PHF14: variants seen among roughly 807,000 people sequenced by gnomAD.
PHF14 encodes the protein PHD finger protein 14.
Under a neutral mutation model 117.9 loss-of-function variants are expected in PHF14, and 55 were observed. That is an observed-to-expected ratio of 0.47 (90% CI 0.38 to 0.58). The LOEUF (loss-of-function observed/expected upper bound fraction) is 0.58. Among genes scored for constraint, PHF14 ranks in the 20% least tolerant of loss-of-function variants. The pLI is 0.00. For missense variants in PHF14, 978 were observed against 1,122.2 expected (o/e 0.87, Z 1.84); for synonymous variants, 409 against 368.6 (o/e 1.11, Z -1.26).
intron 7 of PHF14, among the ~76,000 whole-genome samples, chr7:11,031,590 C>CAAAA (rs34770071): frequency 7.9e-6 from 1 of 126,904 alleles, no homozygotes; most frequent in East Asian, 2.2e-4. Flanking sequence ...CCATCTCTAC[C>CAAAA]AAAAAAAAAA....
chr7:11,004,265 A>AG (rs1441611522), intron 4 of PHF14, among the ~76,000 whole-genome samples: 3 of 149,264 alleles, frequency 2.0e-5, no homozygotes, highest in Non-Finnish European at 3.0e-5. Flanking sequence ...AAAAAAAAAA[A>AG]AAAAGAAAAG....
At chr7:11,051,268 A>T (rs1044551102) in intron 13 of PHF14, among the ~76,000 whole-genome samples, 1 of 151,814 alleles carries the variant, frequency 6.6e-6, no homozygotes, top group Non-Finnish European at 1.5e-5. Flanking sequence ...ATCCTGCCTC[A>T]GTCTCCTGAA....
At chr7:11,004,496 G>C (rs1477297791) in intron 4 of PHF14, among the ~76,000 whole-genome samples, 3 of 151,510 alleles carry the variant, frequency 2.0e-5, no homozygotes, top group Non-Finnish European at 4.4e-5. Flanking sequence ...GATCCATTCA[G>C]GTACCATGAG....
intron 14 of PHF14, among the ~76,000 whole-genome samples, chr7:11,060,904 G>A (rs1785201404): frequency 9.9e-6 from 1 of 101,022 alleles, no homozygotes; most frequent in Non-Finnish European, 1.8e-5. Flanking sequence ...AAATAACAGT[G>A]TACTTGATAT....
chr7:10,991,053 C>G (rs1319018306), intron 4 of PHF14, among the ~76,000 whole-genome samples: 4 of 152,128 alleles, frequency 2.6e-5, no homozygotes, highest in African/African-American at 7.2e-5. Context: ...TGCAGTGGCA[C>G]AATCTCGGTT....
intron 16 of PHF14, among the ~76,000 whole-genome samples, chr7:11,084,202 A>G (rs750967239): frequency 1.3e-5 from 2 of 150,490 alleles, no homozygotes; most frequent in Non-Finnish European, 2.9e-5. Context: ...CAAAATATGT[A>G]CACACACACA....
At chr7:11,005,918 G>C (rs141551051) in intron 4 of PHF14, among the ~76,000 whole-genome samples, 3,246 of 148,116 alleles carry the variant, frequency 0.022, 132 homozygotes, top group African/African-American at 0.077. Context: ...TCAGCCTCCT[G>C]AGTAGCTGGG....
intron 3 of PHF14, among the ~76,000 whole-genome samples, chr7:10,988,995 G>A (rs544252685): frequency 1.1e-4 from 17 of 152,178 alleles, no homozygotes; most frequent in African/African-American, 4.1e-4. Context: ...GCTTACTCTG[G>A]TACTGTAAAA....
At chr7:11,104,299 A>G in intron 16 of PHF14, 2 of 983,066 alleles carry the variant, frequency 2.0e-6, no homozygotes, top group Non-Finnish European at 1.2e-6. Context: ...TTATACATAT[A>G]GACTGCAAAA....
chr7:10,982,738 T>G lies in PHF14; in HGVS notation c.479T>G (p.Val160Gly). ...ACACCAGCCACAAGTCCTCCTGCTGTTAACACATCCCCTTCTGTTCCCACT... is the reference window on the plus strand; with the variant it reads ...ACACCAGCCACAAGTCCTCCTGCTGGTAACACATCCCCTTCTGTTCCCACT... ...ATTPATSPPA[V>G]NTSPSVPTTT... is the part of the protein sequence containing the mutation. The change falls in exon 3 of 18, where the codon GTT becomes GGT. Residue 160 changes from valine to glycine, a missense_variant. By Grantham distance (109) the Val-to-Gly change is moderately radical. Around this residue, in one of 7 missense-constraint regions of PHF14, gnomAD observed 414 missense variants for 376.4 expected, o/e 1.10. Coordinates refer to ENST00000634607, the MANE Select transcript of PHF14 (RefSeq NM_001007157.2). The G allele has an allele frequency of 1.9e-6, 3 of 1,613,728 alleles. No homozygotes were observed. Among genetic ancestry groups the G allele is most frequent in the Non-Finnish European group, 1.7e-6 (2 of 1,179,780 alleles).
chr7:11,071,253 A>G, intron 16 of PHF14: 2 of 518,698 alleles, frequency 3.9e-6, no homozygotes, highest in Non-Finnish European at 7.7e-6. Flanking sequence ...CAAAGACTAT[A>G]TATTCCATGT....
intron 16 of PHF14, among the ~76,000 whole-genome samples, chr7:11,075,911 C>G (rs957137644): frequency 6.6e-6 from 1 of 151,936 alleles, no homozygotes; most frequent in Non-Finnish European, 1.5e-5. Flanking sequence ...GCGGGTGGAT[C>G]ACGAGGTCAG....
intron 11 of PHF14, among the ~76,000 whole-genome samples, chr7:11,039,074 T>C (rs984806089): frequency 7.2e-5 from 11 of 152,178 alleles, no homozygotes; most frequent in Admixed American, 5.2e-4. Flanking sequence ...AACAGCTATC[T>C]TGTGTGCAAA....
chr7:11,154,276 G>A (rs752578304), intron 17 of PHF14, among the ~76,000 whole-genome samples: 5 of 152,108 alleles, frequency 3.3e-5, no homozygotes, highest in African/African-American at 7.2e-5. Context: ...TTGAGTATGT[G>A]TGTGTGTGTC....
intron 16 of PHF14, among the ~76,000 whole-genome samples, chr7:11,074,344 G>T (rs1292655142): frequency 5.9e-5 from 9 of 151,710 alleles, no homozygotes; most frequent in Non-Finnish European, 1.3e-4. Context: ...CTGAGTAGCT[G>T]GGACTACAGG....
chr7:11,158,423 G>A lies in PHF14; in HGVS notation c.2773-10993G>A, dbSNP rs143786083. On this transcript the variant is annotated intron_variant, in intron 17 of 17. Coordinates refer to ENST00000634607, the MANE Select transcript of PHF14 (RefSeq NM_001007157.2). Reference sequence around the variant, plus strand: ...GTCGCTTCTCTGTGCATCAGAGCAGGGGAACATGATGTCAGTATACATACT... The same window carrying A: ...GTCGCTTCTCTGTGCATCAGAGCAGAGGAACATGATGTCAGTATACATACT... Among the ~76,000 whole-genome samples, 491 of 152,200 alleles carry A rather than the reference G, an allele frequency of 3.2e-3. 1 individual carries two copies. The highest frequency in any genetic ancestry group is 0.011 in the African/African-American group (462 of 41,552).
intron 16 of PHF14, among the ~76,000 whole-genome samples, chr7:11,082,670 A>G (rs1270481409): frequency 6.6e-6 from 1 of 152,176 alleles, no homozygotes; most frequent in African/African-American, 2.4e-5. Context: ...ATAACTAAAC[A>G]TACTCAGTTT....
chr7:10,980,728 C>G (rs1257039091), intron 2 of PHF14, among the ~76,000 whole-genome samples: 5 of 152,088 alleles, frequency 3.3e-5, no homozygotes, highest in Non-Finnish European at 7.4e-5. Context: ...AGGATTTATA[C>G]TTTTCTCCGC....
chr7:11,160,949 C>T (rs899090543), intron 17 of PHF14, among the ~76,000 whole-genome samples: 5 of 151,872 alleles, frequency 3.3e-5, no homozygotes, highest in Admixed American at 2.6e-4. Flanking sequence ...TTGGTTTTGT[C>T]GCAATTGCTT....
Sources: gnomAD v4.1 joint callset for allele counts (sites outside exome capture counted in the v4.1 genomes callset) on GRCh38, gnomAD v4.1.1 for gene constraint, gnomAD v4.1.1 regional missense constraint, MANE v1.5 for transcripts, NCBI Gene and HGNC (gene_info 2026-07-23, HGNC 2026-07-21) for gene names.